Variants in GNB2 observed in about 807,000 individuals in gnomAD.
GNB2 encodes the protein guanine nucleotide-binding protein G(I)/G(S)/G(T) subunit beta-2.
GNB2 carries 7 observed loss-of-function variants against 40.7 expected under a neutral mutation model. The observed-to-expected ratio is 0.17, with a 90% CI of 0.10 to 0.32. The LOEUF is 0.32. Ranked by LOEUF, GNB2 falls within the 10% of genes least tolerant of loss-of-function variation. GNB2 has a pLI of 1.00. For synonymous variants in GNB2, 254 were observed against 191.2 expected (o/e 1.33, Z -2.71); for missense variants, 286 against 473.0 (o/e 0.60, Z 3.67).
chr7:100,673,844 G>A lies in GNB2; in HGVS notation c.-169G>A. On this transcript the variant is annotated 5_prime_UTR_variant, in exon 1 of 10. Transcript: ENST00000303210. ...CGCCGCCGCCGCCGCCGCCGCCGCC[G>A]CCGCCGCCTCCGCCGCGGAGGAAGA... 1.1e-5 allele frequency: 2 copies of A among 190,292 alleles called. No individual in the cohort carries two copies. Among genetic ancestry groups the A allele is most frequent in the Non-Finnish European group, 1.0e-5 (1 of 97,514 alleles). 11.8% of individuals were successfully genotyped at this position (190,292 alleles called of 1,614,324 possible).
Position 100,676,792 on chromosome 7 carries a change from G to C in GNB2, c.196G>C (p.Asp66His), listed in dbSNP as rs774608487. 1 of 1,570,652 alleles carries C rather than the reference G, an allele frequency of 6.4e-7. No homozygotes were observed. Among genetic ancestry groups the C allele is most frequent in the East Asian group, 2.3e-5 (1 of 43,760 alleles). ...GATCTATGCCATGCACTGGGGGACC[G>C]ACTCAAGGTGTGTGTGTGTGCGCGG... ...AKIYAMHWGT[D>H]SRLLVSASQD... Residue 66 changes from aspartate to histidine, a missense_variant, in exon 4 of 10, where the codon GAC becomes CAC. By Grantham distance (81) the Asp-to-His change is moderately conservative. Coordinates refer to ENST00000303210, the MANE Select transcript of GNB2 (RefSeq NM_005273.4).
At chr7:100,674,055 C>T (rs954860440) in intron 1 of GNB2, 132 bp downstream of exon 1, 1 of 153,032 alleles carries the variant, frequency 6.5e-6, no homozygotes, top group Non-Finnish European at 1.5e-5. Context: ...CGCTCCCTTC[C>T]CCTCTTGCCC....
chr7:100,676,538 G>T lies in GNB2; in HGVS notation c.61G>T (p.Ala21Ser), dbSNP rs964944096. ...AEQLRNQIRDARKACGDSTLT... is the reference protein window; with the variant it reads ...AEQLRNQIRDSRKACGDSTLT... ...CTGGCTCTGCCATCCCTTACAGGAT[G>T]CCCGAAAAGCATGTGGGGACTCAAC... The change falls in exon 3 of 10, where the codon GCC becomes TCC. Residue 21 changes from alanine to serine, a missense_variant. Coordinates refer to ENST00000303210, the MANE Select transcript of GNB2 (RefSeq NM_005273.4). 9.9e-6 allele frequency: 16 copies of T among 1,610,918 alleles called. No homozygotes were observed. Among genetic ancestry groups the T allele is most frequent in the African/African-American group, 1.3e-5 (1 of 74,866 alleles).
chr7:100,677,985 G>T (rs1159397836), intron 7 of GNB2, 113 bp from the exon 8 acceptor site: 7 of 1,062,690 alleles, frequency 6.6e-6, no homozygotes, highest in Non-Finnish European at 1.0e-5. Context: ...GCTCTGAGAA[G>T]AGCCTCCCTG....
Position 100,678,082 on chromosome 7 carries a change from C to T in GNB2, c.498-16C>T. On this transcript the variant is annotated splice_polypyrimidine_tract_variant and intron_variant, in intron 7 of 9. Transcript: ENST00000303210. ...CCCTGTCTCTTATCTTTTCTTTCTTCCTGTCACCTCTCCAGTGCCCTGTGG... is the reference window on the plus strand; with the variant it reads ...CCCTGTCTCTTATCTTTTCTTTCTTTCTGTCACCTCTCCAGTGCCCTGTGG... 1 of 1,597,168 alleles carries T rather than the reference C, an allele frequency of 6.3e-7. No individual in the cohort carries two copies. The highest frequency in any genetic ancestry group is 1.1e-5 in the South Asian group (1 of 90,732).
At position 100,676,333 on chromosome 7, in the gene GNB2, G is replaced by C; in HGVS notation, c.57+11G>C. On this transcript the variant is annotated intron_variant, in intron 2 of 9. Coordinates refer to ENST00000303210, the MANE Select transcript of GNB2 (RefSeq NM_005273.4). ...CGGAACCAGATCCGGGTGAGGGCCT[G>C]GTGCGGGGCGGGCGATTCATGTGTA... The C allele has an allele frequency of 6.3e-7, 1 of 1,598,110 alleles. No individual in the cohort carries two copies. The highest frequency in any genetic ancestry group is 1.1e-5 in the South Asian group (1 of 89,196).
At position 100,678,824 on chromosome 7, in the gene GNB2, A is replaced by G; in HGVS notation, c.*23A>G. On this transcript the variant is annotated 3_prime_UTR_variant, in exon 10 of 10. Coordinates refer to ENST00000303210, the MANE Select transcript of GNB2 (RefSeq NM_005273.4). ...TAATGGCCCCACCCCCACTGGGCCC[A>G]GGCCAGGAGGGGCCCTGCCCATGCC... is the stretch of plus-strand genomic sequence containing the variant. The G allele has an allele frequency of 6.5e-7, 1 of 1,533,814 alleles. No homozygotes were observed. Among genetic ancestry groups the G allele is most frequent in the Non-Finnish European group, 9.0e-7 (1 of 1,107,644 alleles).
chr7:100,678,738 C>A lies in GNB2; in HGVS notation c.960C>A (p.Val320=). Residue 320 remains valine, a synonymous_variant, in exon 10 of 10, where the codon GTC becomes GTA. Coordinates refer to ENST00000303210, the MANE Select transcript of GNB2 (RefSeq NM_005273.4). ...ACAACCGCGTGAGCTGCCTCGGGGT[C>A]ACCGACGATGGCATGGCTGTGGCCA... ...GHDNRVSCLG[V]TDDGMAVATG... The A allele has an allele frequency of 1.2e-6, 2 of 1,613,812 alleles. No individual in the cohort carries two copies. The highest frequency in any genetic ancestry group is 1.7e-6 in the Non-Finnish European group (2 of 1,179,998).
At chr7:100,676,629 G>T (rs1804354604) in intron 3 of GNB2, 56 bp downstream of exon 3, 6 of 1,557,012 alleles carry the variant, frequency 3.9e-6, no homozygotes, top group Non-Finnish European at 4.4e-6. Flanking sequence ...AAGGATCAGA[G>T]GCCGCTGCCC....
chr7:100,674,257 C>T (rs1336246870), intron 1 of GNB2, among the ~76,000 whole-genome samples: 1 of 149,854 alleles, frequency 6.7e-6, no homozygotes, highest in East Asian at 2.0e-4. Flanking sequence ...CCTTTCCCCA[C>T]CGCCACCCTC....
At chr7:100,676,147 C>G in intron 1 of GNB2, 30 bp from the exon 2 acceptor site, 1 of 590,386 alleles carries the variant, frequency 1.7e-6, no homozygotes, top group Non-Finnish European at 2.9e-6. Flanking sequence ...CCGGCGGCCT[C>G]GGGCCTGACG....
chr7:100,673,980 G>A, intron 1 of GNB2, 57 bp downstream of exon 1: 1 of 157,540 alleles, frequency 6.3e-6, no homozygotes, highest in South Asian at 1.8e-4. Flanking sequence ...TCCCCCAGGG[G>A]AACCTCTCTT....
Position 100,677,583 on chromosome 7 carries a change from A to C in GNB2, c.353A>C (p.Asp118Ala). The change falls in exon 6 of 10, where the codon GAC (aspartate) becomes GCC (alanine). Residue 118 changes from aspartate (D) to alanine (A), a missense_variant. Asp to Ala is a moderately radical substitution (Grantham distance 126). Transcript: ENST00000303210. ...SGNFVACGGL[D>A]NICSIYSLKT... Reference sequence around the variant, plus strand: ...AACTTTGTGGCCTGTGGGGGGTTGGACAACATCTGCTCCATCTACAGCCTC... The same window carrying C: ...AACTTTGTGGCCTGTGGGGGGTTGGCCAACATCTGCTCCATCTACAGCCTC... The C allele has an allele frequency of 6.2e-7, 1 of 1,613,376 alleles. No homozygotes were observed. Among genetic ancestry groups the C allele is most frequent in the Non-Finnish European group, 8.5e-7 (1 of 1,180,014 alleles).
In GNB2 at chr7:100,676,570, C is replaced by G; in HGVS notation, c.93C>G (p.Thr31=). 2 of 1,610,380 alleles carry G rather than the reference C, an allele frequency of 1.2e-6. No individual in the cohort carries two copies. Among genetic ancestry groups the G allele is most frequent in the South Asian group, 2.2e-5 (2 of 91,018 alleles). Reference sequence around the variant, plus strand: ...AAGCATGTGGGGACTCAACACTGACCCAGGTGAGGGCACTTGGTGGCCAGA... The same window carrying G: ...AAGCATGTGGGGACTCAACACTGACGCAGGTGAGGGCACTTGGTGGCCAGA... ...ARKACGDSTL[T]QITAGLDPVG... Residue 31 remains threonine (T), a synonymous_variant, in exon 3 of 10, where the codon ACC becomes ACG. Coordinates refer to ENST00000303210, the MANE Select transcript of GNB2 (RefSeq NM_005273.4).
At position 100,678,917 on chromosome 7, in the gene GNB2, G is replaced by A; in HGVS notation, c.*116G>A. ...CCCTTCCCCGGGCCACGGGGCCTTG[G>A]GTCCCTGCCCTCCCACCCAGGTTTG... On this transcript the variant is annotated 3_prime_UTR_variant, in exon 10 of 10. Coordinates refer to ENST00000303210, the MANE Select transcript of GNB2 (RefSeq NM_005273.4). 1 of 780,062 alleles carries A rather than the reference G, an allele frequency of 1.3e-6. No individual in the cohort carries two copies. Among genetic ancestry groups the A allele is most frequent in the Non-Finnish European group, 2.1e-6 (1 of 480,988 alleles). The allele number at this position is 780,062 out of a possible 1,614,324, so 48.3% of individuals were successfully genotyped here. A position where few individuals can be genotyped will look rare whatever the true frequency, so the allele number is the denominator to read the frequency against.
chr7:100,674,968 A>C (rs1562856963), intron 1 of GNB2, among the ~76,000 whole-genome samples: 1 of 152,136 alleles, frequency 6.6e-6, no homozygotes, highest in Non-Finnish European at 1.5e-5. Context: ...AGAAAGCTGA[A>C]CTTACAAGGA....
intron 1 of GNB2, chr7:100,675,315 G>A (rs1266426041): frequency 6.6e-6 from 1 of 152,052 alleles, no homozygotes; most frequent in Non-Finnish European, 1.5e-5. Flanking sequence ...GGCTTTCTGC[G>A]GGCGCGGCGG....
rs776497172 is a variant in GNB2, at chr7:100,678,743, A to G, written c.965A>G (p.Asp322Gly). The G allele has an allele frequency of 6.2e-7, 1 of 1,613,778 alleles. No homozygotes were observed. Among genetic ancestry groups the G allele is most frequent in the Non-Finnish European group, 8.5e-7 (1 of 1,179,990 alleles). ...CGCGTGAGCTGCCTCGGGGTCACCG[A>G]CGATGGCATGGCTGTGGCCACGGGC... Reference protein sequence around the residue: ...DNRVSCLGVTDDGMAVATGSW... With the variant: ...DNRVSCLGVTGDGMAVATGSW... Residue 322 changes from aspartate (D) to glycine (G), a missense_variant, in exon 10 of 10, where the codon GAC (aspartate) becomes GGC (glycine). Coordinates refer to ENST00000303210, the MANE Select transcript of GNB2 (RefSeq NM_005273.4).
Position 100,676,221 on chromosome 7 carries a change from C to G in GNB2, c.-45C>G. On this transcript the variant is annotated 5_prime_UTR_variant, in exon 2 of 10. Transcript: ENST00000303210. ...GAGCTGCCTCCCCCAGCCCCCGTCC[C>G]GCGGCCCCCAGCCGCCCCCAACCCT... 1 of 1,317,648 alleles carries G rather than the reference C, an allele frequency of 7.6e-7. No individual in the cohort carries two copies. Among genetic ancestry groups the G allele is most frequent in the Non-Finnish European group, 1.1e-6 (1 of 940,834 alleles). 81.6% of individuals were successfully genotyped at this position (1,317,648 alleles called of 1,614,324 possible).
Sources: allele counts gnomAD v4.1 joint callset (sites outside exome capture counted in the v4.1 genomes callset), GRCh38; gene constraint gnomAD v4.1.1; transcripts MANE v1.5; gene names NCBI Gene and HGNC (gene_info 2026-07-23, HGNC 2026-07-21).